Variants in TTC28 observed in about 807,000 individuals in gnomAD.
The protein encoded by TTC28 is tetratricopeptide repeat domain 28, also known as tetratricopeptide repeat protein 28.
Under a neutral mutation model 198.0 loss-of-function variants are expected in TTC28, and 61 were observed. The observed-to-expected ratio is 0.31, with a 90% CI of 0.25 to 0.38. The LOEUF is 0.38. Among genes scored for constraint, TTC28 ranks in the 10% least tolerant of loss-of-function variants. The pLI is 1.00. For synonymous variants in TTC28, 1,171 were observed against 1,297.8 expected (o/e 0.90, Z 2.10); for missense variants, 2,678 against 3,164.0 (o/e 0.85, Z 3.69).
intron 6 of TTC28, among the ~76,000 whole-genome samples, chr22:28,121,932 A>G (rs1942797577): frequency 6.6e-6 from 1 of 152,170 alleles, no homozygotes; most frequent in African/African-American, 2.4e-5. Context: ...CAGTGGCACG[A>G]TCTTGGCTCA....
At chr22:28,292,429 C>T (rs1184445176) in intron 5 of TTC28, among the ~76,000 whole-genome samples, 6 of 152,102 alleles carry the variant, frequency 3.9e-5, no homozygotes, top group Non-Finnish European at 7.4e-5. Flanking sequence ...CTCCAGTAAT[C>T]TGCCCACCTC....
At chr22:28,357,894 T>C (rs2046102812) in intron 2 of TTC28, among the ~76,000 whole-genome samples, 1 of 152,100 alleles carries the variant, frequency 6.6e-6, no homozygotes, top group Non-Finnish European at 1.5e-5. Context: ...TTCGTCGATT[T>C]AGCTGGGGAA....
intron 2 of TTC28, among the ~76,000 whole-genome samples, chr22:28,598,625 ACACAT>A (rs1328801820): frequency 1.3e-5 from 2 of 152,020 alleles, no homozygotes; most frequent in Non-Finnish European, 1.5e-5. Context: ...ACAAATAGTT[ACACAT>A]TTAGTAAACG....
chr22:28,594,063 G>A (rs2146099829), intron 2 of TTC28, among the ~76,000 whole-genome samples: 1 of 152,122 alleles, frequency 6.6e-6, no homozygotes, highest in Non-Finnish European at 1.5e-5. Flanking sequence ...AAGTTCCCAG[G>A]ACTATAATTA....
At chr22:28,573,113 C>A (rs1412994005) in intron 2 of TTC28, among the ~76,000 whole-genome samples, 1 of 139,724 alleles carries the variant, frequency 7.2e-6, no homozygotes, top group Non-Finnish European at 1.5e-5. Context: ...CAGAGTGAGA[C>A]CATGTCTCAA....
At chr22:28,508,920 C>T (rs958580754) in intron 2 of TTC28, among the ~76,000 whole-genome samples, 18 of 151,954 alleles carry the variant, frequency 1.2e-4, no homozygotes, top group Admixed American at 4.6e-4. Flanking sequence ...AGCCAGGCAC[C>T]GTGGCTCATG....
At chr22:28,530,862 G>C (rs1490867557) in intron 2 of TTC28, among the ~76,000 whole-genome samples, 5 of 152,186 alleles carry the variant, frequency 3.3e-5, no homozygotes, top group Admixed American at 1.3e-4. Flanking sequence ...CAAATGCTGA[G>C]AGATTTTGTC....
rs532657481 is a variant in TTC28 at position 28,673,247 on chromosome 22, G to A, written c.102+6375C>T. On this transcript the variant is annotated intron_variant, in intron 1 of 22. Coordinates refer to ENST00000397906, the MANE Select transcript of TTC28 (RefSeq NM_001145418.2). ...AATTTAGCTAGACTTGGTGGCAGGC[G>A]CCTGTAGTCCCAGCTACTTGGGAAA... is the stretch of plus-strand genomic sequence containing the variant. Among the ~76,000 whole-genome samples, 137 of 152,184 alleles carry A rather than the reference G, an allele frequency of 9.0e-4. 1 individual carries two copies. In the South Asian group the frequency reaches 0.012, roughly 14 times the overall value.
At chr22:28,458,330 TAAGA>T (rs2047895875) in intron 2 of TTC28, among the ~76,000 whole-genome samples, 1 of 152,178 alleles carries the variant, frequency 6.6e-6, no homozygotes, top group African/African-American at 2.4e-5. Context: ...GTTCAAAACT[TAAGA>T]AAGTATATTT....
At chr22:28,469,531 A>C (rs781726845) in intron 2 of TTC28, among the ~76,000 whole-genome samples, 4 of 152,376 alleles carry the variant, frequency 2.6e-5, no homozygotes, top group Non-Finnish European at 5.9e-5. Flanking sequence ...CCCTAAATAT[A>C]ATCTTAAGTG....
At chr22:28,558,103 G>A (rs374652105) in intron 2 of TTC28, among the ~76,000 whole-genome samples, 1 of 151,976 alleles carries the variant, frequency 6.6e-6, no homozygotes, top group Non-Finnish European at 1.5e-5. Flanking sequence ...CAATGCATTC[G>A]TCAGTGGTTT....
chr22:28,651,311 C>CTTTTTTTTTTTTTTTTT (rs111469498), intron 1 of TTC28, among the ~76,000 whole-genome samples: 7,034 of 145,544 alleles, frequency 0.048, 280 homozygotes, highest in Non-Finnish European at 0.075. Context: ...TCTGTCACTC[C>CTTTTTTTTTTTTTTTTT]TTTTTTTTGA....
At chr22:28,172,161 A>G (rs1922746155) in intron 5 of TTC28, among the ~76,000 whole-genome samples, 1 of 152,086 alleles carries the variant, frequency 6.6e-6, no homozygotes, top group Admixed American at 6.6e-5. Context: ...CTCTTTGACT[A>G]TGGAGCTAGT....
intron 2 of TTC28, among the ~76,000 whole-genome samples, chr22:28,577,795 T>G (rs1391792141): frequency 6.6e-6 from 1 of 152,172 alleles, no homozygotes; most frequent in Non-Finnish European, 1.5e-5. Flanking sequence ...CCTGCTCTTT[T>G]TTGGTTTCCA....
intron 12 of TTC28, among the ~76,000 whole-genome samples, chr22:28,030,984 C>T (rs1306442857): frequency 2.0e-5 from 3 of 152,236 alleles, no homozygotes; most frequent in Non-Finnish European, 2.9e-5. Flanking sequence ...TTTCCAAGCT[C>T]AGCATGAGGA....
intron 3 of TTC28, among the ~76,000 whole-genome samples, chr22:28,298,507 G>A (rs975105087): frequency 1.5e-4 from 23 of 152,078 alleles, no homozygotes; most frequent in African/African-American, 5.6e-4. Context: ...GAGTGCAGTG[G>A]CATAATCGTG....
At chr22:28,441,195 C>T (rs914026946) in intron 2 of TTC28, among the ~76,000 whole-genome samples, 5 of 152,132 alleles carry the variant, frequency 3.3e-5, no homozygotes, top group African/African-American at 1.2e-4. Context: ...GAGGGGTTTC[C>T]ACAGACATAA....
chr22:28,435,150 A>G (rs1601395161), intron 2 of TTC28, among the ~76,000 whole-genome samples: 2 of 152,358 alleles, frequency 1.3e-5, no homozygotes, highest in Admixed American at 1.3e-4. Context: ...CTTAGTATAC[A>G]GAAGGTGTAA....
chr22:28,045,774 G>A (rs763305383), intron 12 of TTC28, among the ~76,000 whole-genome samples: 1 of 152,158 alleles, frequency 6.6e-6, no homozygotes, highest in Non-Finnish European at 1.5e-5. Flanking sequence ...GACCAGCCTG[G>A]CCAACATGGT....
Sources: allele counts gnomAD v4.1 joint callset (sites outside exome capture counted in the v4.1 genomes callset), GRCh38; gene constraint gnomAD v4.1.1; transcripts MANE v1.5; gene names NCBI Gene and HGNC (gene_info 2026-07-23, HGNC 2026-07-21).